DAP: variants seen among roughly 807,000 people sequenced by gnomAD.
DAP encodes death associated protein.
In DAP, 8 loss-of-function variants were observed where a neutral mutation model predicts 13.8. The observed-to-expected ratio is 0.58, with a 90% confidence interval of 0.34 to 1.05. DAP has a LOEUF of 1.05. Among genes scored for constraint, DAP ranks in the 50% least tolerant of loss-of-function variants. The probability of loss-of-function intolerance (pLI) is 0.03; values close to 1 mark genes in which losing one functional copy is unlikely to be tolerated. For missense variants in DAP, 106 were observed against 133.2 expected (o/e 0.80, Z 1.01); for synonymous variants, 47 against 47.5 (o/e 0.99, Z 0.04).
chr5:10,747,091 G>A (rs1394111760), intron 2 of DAP, among the ~76,000 whole-genome samples: 9 of 152,176 alleles, frequency 5.9e-5, no homozygotes, highest in Admixed American at 5.9e-4. Flanking sequence ...TGAAATAAAA[G>A]CATGGGCCTA....
At chr5:10,682,365 C>T (rs1422387206) in intron 3 of DAP, among the ~76,000 whole-genome samples, 23 of 149,800 alleles carry the variant, frequency 1.5e-4, no homozygotes, top group Admixed American at 1.4e-3. Flanking sequence ...TCCAGGCCAG[C>T]GCCCACCAGT....
intron 2 of DAP, among the ~76,000 whole-genome samples, chr5:10,721,651 C>A (rs916713138): frequency 7.9e-5 from 12 of 152,178 alleles, no homozygotes; most frequent in Non-Finnish European, 1.8e-4. Context: ...ACAAATGGCT[C>A]AGACCCCTCA....
intron 1 of DAP, among the ~76,000 whole-genome samples, chr5:10,751,050 A>G (rs1561035328): frequency 6.6e-6 from 1 of 152,218 alleles, no homozygotes; most frequent in Non-Finnish European, 1.5e-5. Flanking sequence ...CCAGCCTGAC[A>G]CAGTCCGGCT....
intron 2 of DAP, among the ~76,000 whole-genome samples, chr5:10,717,055 A>T (rs1201788473): frequency 6.6e-6 from 1 of 152,228 alleles, no homozygotes; most frequent in Admixed American, 6.5e-5. Context: ...CGCTTGTGAG[A>T]AGCAAGGAGT....
At chr5:10,695,554 A>G (rs1051244490) in intron 2 of DAP, among the ~76,000 whole-genome samples, 1 of 152,246 alleles carries the variant, frequency 6.6e-6, no homozygotes, top group East Asian at 1.9e-4. Flanking sequence ...GCTTGAGCTC[A>G]TGTTCACATT....
chr5:10,707,906 T>A lies in DAP; in HGVS notation c.153-24335A>T, dbSNP rs1012634822. On this transcript the variant is annotated intron_variant, in intron 2 of 3. Coordinates refer to ENST00000230895, the MANE Select transcript of DAP (RefSeq NM_004394.3). This position sits in a 1 kb window ranked among gnomAD's most constrained non-coding sequence, Gnocchi z 4.0. ...ATTAATTTGGTGCCTCACCCCATGCTGTCGCTACCTCCAAGTGGCTCTAAT... is the reference window on the plus strand; with the variant it reads ...ATTAATTTGGTGCCTCACCCCATGCAGTCGCTACCTCCAAGTGGCTCTAAT... Among the ~76,000 whole-genome samples, 2 of 152,238 alleles carry A rather than the reference T, an allele frequency of 1.3e-5. No individual in the cohort carries two copies. Among genetic ancestry groups the A allele is most frequent in the African/African-American group, 2.4e-5 (1 of 41,458 alleles).
At chr5:10,739,939 T>G (rs981783117) in intron 2 of DAP, among the ~76,000 whole-genome samples, 5 of 152,144 alleles carry the variant, frequency 3.3e-5, no homozygotes, top group African/African-American at 1.2e-4. Flanking sequence ...TTTACTTTAC[T>G]TAAAAATTAA....
At chr5:10,724,886 G>A (rs1033466678) in intron 2 of DAP, among the ~76,000 whole-genome samples, 2 of 151,896 alleles carry the variant, frequency 1.3e-5, no homozygotes, top group African/African-American at 2.4e-5. Flanking sequence ...CCCAACAGCC[G>A]CCAGGGGGTG....
intron 2 of DAP, among the ~76,000 whole-genome samples, chr5:10,722,587 C>CAT (rs1425074091): frequency 1.6e-5 from 2 of 125,106 alleles, no homozygotes; most frequent in Admixed American, 8.0e-5. Context: ...CATATATATA[C>CAT]ATATATACAT....
Position 10,680,488 on chromosome 5 carries a change from G to A in DAP, c.*568C>T, listed in dbSNP as rs1561002526. 5.6e-6 allele frequency: 3 copies of A among 536,514 alleles called. No homozygotes were observed. The highest frequency in any genetic ancestry group is 9.8e-6 in the Non-Finnish European group (3 of 305,260). 33.2% of individuals were successfully genotyped at this position (536,514 alleles called of 1,614,324 possible). Reference sequence around the variant, plus strand: ...CTATTTCTAAGATGCATGCTTTTTCGGCTTTTCTCATGGGTGCCTCATCAG... The same window carrying A: ...CTATTTCTAAGATGCATGCTTTTTCAGCTTTTCTCATGGGTGCCTCATCAG... On this transcript the variant is annotated 3_prime_UTR_variant, in exon 4 of 4. Coordinates refer to ENST00000230895, the MANE Select transcript of DAP (RefSeq NM_004394.3).
rs1320809319 is a variant in DAP, at chr5:10,680,136, A to C, written c.*920T>G. On this transcript the variant is annotated 3_prime_UTR_variant, in exon 4 of 4. Coordinates refer to ENST00000230895, the MANE Select transcript of DAP (RefSeq NM_004394.3). ...ATCAGTGGATAGGTTTTTCTAGCAC[A>C]AATGGAATGTGGTGTCTCATGTCCC... is the stretch of plus-strand genomic sequence containing the variant. 1 of 153,346 alleles carries C rather than the reference A, an allele frequency of 6.5e-6. No individual in the cohort carries two copies. The highest frequency in any genetic ancestry group is 6.5e-5 in the Admixed American group (1 of 15,422). 9.5% of individuals were successfully genotyped at this position (153,346 alleles called of 1,614,324 possible). A position where few individuals can be genotyped will look rare whatever the true frequency, so the allele number is the denominator to read the frequency against.
At chr5:10,687,425 G>A (rs1738182875) in intron 2 of DAP, among the ~76,000 whole-genome samples, 1 of 152,210 alleles carries the variant, frequency 6.6e-6, no homozygotes, top group South Asian at 2.1e-4. Flanking sequence ...TTCATGGGAG[G>A]AGGTCAAAAT....
chr5:10,723,346 C>T (rs1183826196), intron 2 of DAP, among the ~76,000 whole-genome samples: 1 of 152,208 alleles, frequency 6.6e-6, no homozygotes, highest in East Asian at 1.9e-4. Context: ...ATTTGATTTG[C>T]ACAGAGCTCC....
intron 2 of DAP, among the ~76,000 whole-genome samples, chr5:10,745,660 T>C (rs978055243): frequency 6.6e-6 from 1 of 152,238 alleles, no homozygotes; most frequent in Non-Finnish European, 1.5e-5. Context: ...TCTGTCCTTA[T>C]TTCTAAACTT....
chr5:10,692,186 C>T (rs1252560154), intron 2 of DAP, among the ~76,000 whole-genome samples: 1 of 152,166 alleles, frequency 6.6e-6, no homozygotes, highest in Non-Finnish European at 1.5e-5. Flanking sequence ...TCAATATATT[C>T]AAGTTACTGC....
chr5:10,742,889 C>A (rs1305108476), intron 2 of DAP, among the ~76,000 whole-genome samples: 2 of 152,088 alleles, frequency 1.3e-5, no homozygotes, highest in Non-Finnish European at 2.9e-5. Context: ...CATCCATATT[C>A]ATTTCTGTAT....
At chr5:10,712,928 T>C (rs1738888189) in intron 2 of DAP, among the ~76,000 whole-genome samples, 1 of 151,884 alleles carries the variant, frequency 6.6e-6, no homozygotes, top group Non-Finnish European at 1.5e-5. Flanking sequence ...CCTATTGAAG[T>C]GGGGGAGGGA....
intron 3 of DAP, among the ~76,000 whole-genome samples, chr5:10,682,664 G>T (rs1278440054): frequency 6.6e-6 from 1 of 152,268 alleles, no homozygotes; most frequent in Non-Finnish European, 1.5e-5. Context: ...TCCCTTGTGG[G>T]TGTTAGGGGG....
At chr5:10,701,167 A>G (rs1448106525) in intron 2 of DAP, among the ~76,000 whole-genome samples, 2 of 152,260 alleles carry the variant, frequency 1.3e-5, no homozygotes, top group South Asian at 4.1e-4. Context: ...TTATTTCCCA[A>G]GGAAACAAAA....
Sources: allele counts gnomAD v4.1 joint callset (sites outside exome capture counted in the v4.1 genomes callset), GRCh38; gene constraint gnomAD v4.1.1; non-coding constraint Gnocchi (gnomAD v3.1); transcripts MANE v1.5; gene names NCBI Gene and HGNC (gene_info 2026-07-23, HGNC 2026-07-21).